FAM81A: variants seen among roughly 807,000 people sequenced by gnomAD.
FAM81A encodes the protein protein FAM81A.
Under a neutral mutation model 46.7 loss-of-function variants are expected in FAM81A, and 19 were observed. That is an observed-to-expected ratio of 0.41 (90% CI 0.28 to 0.60). The LOEUF is 0.60. Among genes scored for constraint, FAM81A ranks in the 20% least tolerant of loss-of-function variants. The pLI, the probability that FAM81A is intolerant of heterozygous loss-of-function variation, is 0.34. For synonymous variants in FAM81A, 183 were observed against 152.9 expected, an observed-to-expected ratio of 1.20 and a Z score of -1.45; for missense variants, 377 against 453.5, an observed-to-expected ratio of 0.83 and a Z score of 1.53.
At chr15:59,509,160 T>C (rs574879260) in intron 6 of FAM81A, among the ~76,000 whole-genome samples, 191 bp downstream of exon 6, 1 of 152,244 alleles carries the variant, frequency 6.6e-6, no homozygotes, top group Non-Finnish European at 1.5e-5. Flanking sequence ...GTTTGGATAA[T>C]TATCCACCTA....
At chr15:59,436,424 C>T (rs1471905010), upstream of FAM81A, among the ~76,000 whole-genome samples, 10 of 144,570 alleles carry the variant, frequency 6.9e-5, no homozygotes, top group South Asian at 1.2e-3. Flanking sequence ...TTGGGGTGGG[C>T]GGGGAAAGGG....
chr15:59,416,178 G>A (rs1357989107), intron 2 of FAM81A, among the ~76,000 whole-genome samples: 2 of 152,206 alleles, frequency 1.3e-5, no homozygotes, highest in Non-Finnish European at 2.9e-5. Context: ...GGTGATCCCA[G>A]AAAGCACAAG....
At chr15:59,427,813 A>G (rs1203614757) in intron 2 of FAM81A, among the ~76,000 whole-genome samples, 1 of 152,220 alleles carries the variant, frequency 6.6e-6, no homozygotes, top group African/African-American at 2.4e-5. Context: ...TCTGCTGAAT[A>G]CACTTAGGTT....
intron 1 of FAM81A, among the ~76,000 whole-genome samples, chr15:59,457,963 A>G (rs897872633): frequency 5.3e-5 from 8 of 152,218 alleles, no homozygotes; most frequent in African/African-American, 1.9e-4. Context: ...AAGATGAAAT[A>G]TGAATGATTG....
rs760222128 is a variant in FAM81A at position 59,508,880 on chromosome 15, C to G, written c.561C>G (p.Asn187Lys). 9 of 1,611,896 alleles carry G rather than the reference C, an allele frequency of 5.6e-6. No homozygotes were observed. Among genetic ancestry groups the G allele is most frequent in the African/African-American group, 5.3e-5 (4 of 74,856 alleles). Residue 187 changes from asparagine to lysine, a missense_variant, in exon 6 of 9, where the codon AAC becomes AAG. Physicochemically the swap from Asn to Lys is moderately conservative, Grantham distance 94. Transcript: ENST00000288228. ...TTTTCCAGATTTCTCAGCTTTTGAA[C>G]AGAGTGGACTTGTCAATATCAGAGC... ...DAEGQISQLL[N>K]RVDLSISEQS...
intron 3 of FAM81A, among the ~76,000 whole-genome samples, chr15:59,464,699 T>C (rs1350178444): frequency 2.0e-5 from 3 of 152,242 alleles, no homozygotes; most frequent in Non-Finnish European, 4.4e-5. Flanking sequence ...GTTCCTTCTG[T>C]ATTCTGGATA....
chr15:59,405,086 G>A (rs1238445356), intron 2 of FAM81A, among the ~76,000 whole-genome samples: 1 of 152,154 alleles, frequency 6.6e-6, no homozygotes, highest in Non-Finnish European at 1.5e-5. Flanking sequence ...TCAAAGCCCT[G>A]CTAACATGTA....
rs1247330156 is a variant in FAM81A at position 59,507,211 on chromosome 15, A to G, written c.414-2A>G. The G allele has an allele frequency of 1.2e-6, 2 of 1,609,520 alleles. No individual in the cohort carries two copies. ...AATCAGCTTTGTTCTTTGTCTGGACAGATGTGATGCCAGCATAGCTAGACT... is the reference window on the plus strand; with the variant it reads ...AATCAGCTTTGTTCTTTGTCTGGACGGATGTGATGCCAGCATAGCTAGACT... On this transcript the variant is annotated splice_acceptor_variant, in intron 4 of 8. Transcript: ENST00000288228. LOFTEE classifies it high-confidence loss of function.
intron 3 of FAM81A, among the ~76,000 whole-genome samples, chr15:59,473,049 A>G (rs920362797): frequency 5.3e-5 from 8 of 152,206 alleles, no homozygotes; most frequent in African/African-American, 1.2e-4. Flanking sequence ...AGATTTATCA[A>G]GAGACTGATA....
chr15:59,420,055 A>G (rs1439548874), intron 2 of FAM81A, among the ~76,000 whole-genome samples: 2 of 152,218 alleles, frequency 1.3e-5, no homozygotes, highest in Non-Finnish European at 2.9e-5. Context: ...GGATTGATTC[A>G]CAGAGAATTT....
At chr15:59,478,020 G>A (rs971788190) in intron 3 of FAM81A, among the ~76,000 whole-genome samples, 47 of 152,254 alleles carry the variant, frequency 3.1e-4, no homozygotes, top group African/African-American at 8.9e-4. Context: ...ACTGTCTTTG[G>A]TTTAAGCCGT....
At position 59,523,096 on chromosome 15, in the gene FAM81A, G is replaced by A. The variant is rs1026771860; in HGVS notation, c.*1718G>A. On this transcript the variant is annotated 3_prime_UTR_variant, in exon 9 of 9. Transcript: ENST00000288228. ...AAGCCACACCCCCTCCAGCATCTCT[G>A]TCTTGTGGGGTCTTTGAGGAGAAGG... 2.0e-5 allele frequency: 3 copies of A among 152,284 alleles called. No homozygotes were observed. The highest frequency in any genetic ancestry group is 1.3e-4 in the Admixed American group (2 of 15,290). The allele number at this position is 152,284 out of a possible 1,614,324, so 9.4% of individuals were successfully genotyped here.
intron 2 of FAM81A, among the ~76,000 whole-genome samples, chr15:59,426,760 G>T (rs572524877): frequency 1.3e-5 from 2 of 152,240 alleles, no homozygotes; most frequent in South Asian, 2.1e-4. Context: ...TCTCCAACAC[G>T]CCTCGACATA....
intron 6 of FAM81A, among the ~76,000 whole-genome samples, chr15:59,510,632 GC>G (rs1189626467): frequency 2.6e-5 from 4 of 151,758 alleles, no homozygotes; most frequent in Non-Finnish European, 5.9e-5. Context: ...CTCAAAGTTA[GC>G]TGGATATGGT....
rs1211400158 is a variant in FAM81A at position 59,460,813 on chromosome 15, G to T, written c.294+607G>T. On this transcript the variant is annotated intron_variant, in intron 3 of 8. Transcript: ENST00000288228. This position sits in a 1 kb window ranked among gnomAD's most constrained non-coding sequence, Gnocchi z 4.4. The stretch of plus-strand genomic sequence containing the variant: ...AGTTCAGAAAGCTTCAGATCATTTA[G>T]GGCTTGGGTTTCCCTCACTACGCAA... 6.6e-6 allele frequency among the ~76,000 whole-genome samples: 1 copy of T among 152,162 alleles called. No homozygotes were observed. The highest frequency in any genetic ancestry group is 1.5e-5 in the Non-Finnish European group (1 of 68,038).
intron 2 of FAM81A, chr15:59,407,621 C>T (rs1340964406): frequency 6.2e-6 from 1 of 162,366 alleles, no homozygotes; most frequent in Non-Finnish European, 1.3e-5. Flanking sequence ...CCAGATGAGG[C>T]GGCTGAGGCT....
At chr15:59,480,173 G>A (rs2081831700) in intron 3 of FAM81A, among the ~76,000 whole-genome samples, 1 of 152,192 alleles carries the variant, frequency 6.6e-6, no homozygotes, top group African/African-American at 2.4e-5. Context: ...TTTGATATAT[G>A]AGGCTGGAAC....
intron 3 of FAM81A, among the ~76,000 whole-genome samples, chr15:59,469,875 A>G (rs1163252593): frequency 1.3e-5 from 2 of 152,152 alleles, no homozygotes; most frequent in Non-Finnish European, 2.9e-5. Flanking sequence ...TTCCATGTTT[A>G]GTGCTTCCTT....
At chr15:59,480,505 A>G (rs539993950) in intron 3 of FAM81A, among the ~76,000 whole-genome samples, 3 of 152,320 alleles carry the variant, frequency 2.0e-5, no homozygotes, top group African/African-American at 7.2e-5. Flanking sequence ...GATAGGCCGT[A>G]TCTTTGAAAA....
Sources: gnomAD v4.1 joint callset for allele counts (sites outside exome capture counted in the v4.1 genomes callset) on GRCh38, gnomAD v4.1.1 for gene constraint, Gnocchi (gnomAD v3.1) non-coding constraint, MANE v1.5 for transcripts, NCBI Gene and HGNC (gene_info 2026-07-23, HGNC 2026-07-21) for gene names.